The following SYTL4 variants were observed in gnomAD, a reference collection of about 807,000 sequenced individuals.
SYTL4 encodes the protein synaptotagmin-like protein 4.
In SYTL4, 16 loss-of-function variants were observed where a neutral mutation model predicts 52.7. The observed-to-expected ratio is 0.30, with a 90% CI of 0.21 to 0.46. The LOEUF (loss-of-function observed/expected upper bound fraction) is 0.46, where lower values mean the gene tolerates loss of function less well. Among genes scored for constraint, SYTL4 ranks in the 20% least tolerant of loss-of-function variants. The probability of loss-of-function intolerance (pLI) is 1.00; values close to 1 mark genes in which losing one functional copy is unlikely to be tolerated. For synonymous variants in SYTL4, 160 were observed against 186.6 expected (o/e 0.86, Z 1.16); for missense variants, 423 against 519.9 (o/e 0.81, Z 1.81).
intron 17 of SYTL4, 62 bp downstream of exon 17, chrX:100,681,165 C>T (rs925035381): frequency 3.3e-5 from 33 of 996,040 alleles, no homozygotes; most frequent in African/African-American, 9.4e-5. Flanking sequence ...TAGCCAGCAC[C>T]GGCCTTGCAC....
At chrX:100,696,564 AT>A (rs995307529) in intron 8 of SYTL4, among the ~76,000 whole-genome samples, 3 of 111,201 alleles carry the variant, frequency 2.7e-5, no homozygotes, top group Non-Finnish European at 5.7e-5. Flanking sequence ...GTCTGTTCAA[AT>A]TTTTTGTGCA....
intron 3 of SYTL4, among the ~76,000 whole-genome samples, chrX:100,704,560 C>T (rs1189129504): frequency 8.9e-6 from 1 of 112,205 alleles, no homozygotes; most frequent in African/African-American, 3.2e-5. Flanking sequence ...TGGCTAGTGA[C>T]AGCCCTCATA....
intron 2 of SYTL4, among the ~76,000 whole-genome samples, chrX:100,715,945 CAAAAAAAAAAA>C (rs769194042): frequency 1.9e-5 from 1 of 53,599 alleles, no homozygotes; most frequent in African/African-American, 5.7e-5. Context: ...CTCTCTCTCT[CAAAAAAAAAAA>C]AAAAAAAAAA....
At chrX:100,720,683 T>C (rs768381744) in intron 2 of SYTL4, among the ~76,000 whole-genome samples, 3 of 112,723 alleles carry the variant, frequency 2.7e-5, no homozygotes, top group Non-Finnish European at 5.6e-5. Context: ...TTCATGCATT[T>C]GGTTTCTTTT....
At chrX:100,681,662 G>A (rs2083378059) in intron 16 of SYTL4, among the ~76,000 whole-genome samples, 1 of 112,043 alleles carries the variant, frequency 8.9e-6, no homozygotes, top group South Asian at 3.8e-4. Context: ...AGGACTGACA[G>A]CATGACAGAG....
In SYTL4 at chrX:100,686,817, C is replaced by G. The variant is rs377570910; in HGVS notation, c.1185-36G>C. The G allele has an allele frequency of 1.4e-5, 16 of 1,115,382 alleles. No individual in the cohort carries two copies. In the South Asian group the frequency reaches 3.0e-4, roughly 21 times the overall value. The allele number at this position is 1,115,382 out of a possible 1,213,427, so 91.9% of individuals were successfully genotyped here. The stretch of plus-strand genomic sequence containing the variant: ...AAGACAGCACTGAGTAATTTGCTGG[C>G]CTTTCTCAAGCCTGCTTTTCACTTT... On this transcript the variant is annotated intron_variant, in intron 14 of 19. Coordinates refer to ENST00000372989, the MANE Select transcript of SYTL4 (RefSeq NM_001370165.1).
At chrX:100,717,002 A>C (rs775420019) in intron 2 of SYTL4, among the ~76,000 whole-genome samples, 1 of 111,724 alleles carries the variant, frequency 9.0e-6, no homozygotes, top group South Asian at 3.8e-4. Context: ...ACCTGGCCCC[A>C]AAGATTTTTC....
At chrX:100,723,533 G>A (rs1023403366) in intron 2 of SYTL4, among the ~76,000 whole-genome samples, 7 of 111,754 alleles carry the variant, frequency 6.3e-5, no homozygotes, top group Admixed American at 2.8e-4. Flanking sequence ...GCCTCTGCCC[G>A]GCCGCCACCC....
chrX:100,723,665 T>A (rs2084398537), intron 2 of SYTL4, among the ~76,000 whole-genome samples: 1 of 108,024 alleles, frequency 9.3e-6, no homozygotes, highest in African/African-American at 3.4e-5. Context: ...CCGCCCATCG[T>A]CTGAGATGTG....
At chrX:100,718,884 C>T (rs1205287056) in intron 2 of SYTL4, among the ~76,000 whole-genome samples, 1 of 108,431 alleles carries the variant, frequency 9.2e-6, no homozygotes, top group South Asian at 4.2e-4. Context: ...CCTCAACCTC[C>T]GCCTCCTGGG....
At chrX:100,689,265 C>G (rs757793905) in intron 12 of SYTL4, among the ~76,000 whole-genome samples, 19 of 106,329 alleles carry the variant, frequency 1.8e-4, no homozygotes, top group African/African-American at 5.8e-4. Flanking sequence ...GTCCCAGCTA[C>G]TCAGGAGGCT....
rs769192500 is a variant in SYTL4, at chrX:100,704,845, C to T, written c.-198G>A. On this transcript the variant is annotated 5_prime_UTR_variant, in exon 3 of 20. Transcript: ENST00000372989. ...TCTCCTTTGAAACTAGACAACACGCCTCTTTCACTTTATTTTTTCTTTTTC... is the reference window on the plus strand; with the variant it reads ...TCTCCTTTGAAACTAGACAACACGCTTCTTTCACTTTATTTTTTCTTTTTC... 1.8e-5 allele frequency: 2 copies of T among 112,138 alleles called. No homozygotes were observed. Among genetic ancestry groups the T allele is most frequent in the African/African-American group, 3.2e-5 (1 of 30,846 alleles). 9.2% of individuals were successfully genotyped at this position (112,138 alleles called of 1,213,427 possible).
intron 2 of SYTL4, among the ~76,000 whole-genome samples, chrX:100,720,527 G>A (rs1171038549): frequency 8.9e-6 from 1 of 112,023 alleles, no homozygotes; most frequent in Non-Finnish European, 1.9e-5. Flanking sequence ...GATCACAGAT[G>A]GTGGGGATTT....
At position 100,678,421 on chromosome X, in the gene SYTL4, G is replaced by A. The variant is rs747319937; in HGVS notation, c.1837C>T (p.Leu613=). ...DREPLASNDF[L]GGVRLGVGTG... ...CCAACACCCAGCCTGACCCCTCCCA[G>A]GAAGTCATTGCTGGCCAGGGGCTCC... The change falls in exon 19 of 20, where the codon CTG becomes TTG. Residue 613 remains leucine (L), a synonymous_variant. Transcript: ENST00000372989. 1 of 1,210,986 alleles carries A rather than the reference G, an allele frequency of 8.3e-7. No individual in the cohort carries two copies. Among genetic ancestry groups the A allele is most frequent in the East Asian group, 3.0e-5 (1 of 33,839 alleles).
At chrX:100,684,635 A>G (rs1436258898) in intron 16 of SYTL4, 2 of 111,284 alleles carry the variant, frequency 1.8e-5, no homozygotes, top group Non-Finnish European at 3.8e-5. Context: ...AAAAAGAAAA[A>G]AATACATATA....
chrX:100,689,849 C>T lies in SYTL4; in HGVS notation c.912+7G>A. 3.4e-6 allele frequency: 4 copies of T among 1,170,229 alleles called. No individual in the cohort carries two copies. The highest frequency in any genetic ancestry group is 4.6e-6 in the Non-Finnish European group (4 of 862,444). On this transcript the variant is annotated splice_region_variant and intron_variant, in intron 12 of 19. Coordinates refer to ENST00000372989, the MANE Select transcript of SYTL4 (RefSeq NM_001370165.1). ...ATAGTGACCAAGTAAAATATAAGGG[C>T]ACCTACCATATCCACATTGAGGCCT...
chrX:100,688,318 C>T (rs1287728485), intron 13 of SYTL4, 33 bp downstream of exon 13: 1 of 1,154,449 alleles, frequency 8.7e-7, no homozygotes, highest in East Asian at 3.0e-5. Context: ...AGTACCCCAA[C>T]ATGCCTGTAA....
At chrX:100,726,054 T>C (rs2084510083) in intron 2 of SYTL4, among the ~76,000 whole-genome samples, 1 of 109,263 alleles carries the variant, frequency 9.2e-6, no homozygotes, top group Admixed American at 1.0e-4. Flanking sequence ...ACTATTCTTC[T>C]GCCAGGGCCA....
chrX:100,682,410 A>T (rs773376129), intron 16 of SYTL4, among the ~76,000 whole-genome samples: 15 of 111,102 alleles, frequency 1.4e-4, no homozygotes, highest in South Asian at 1.2e-3. Flanking sequence ...CAGGGGAAAA[A>T]AAAAAAGAGG....
Sources: allele counts gnomAD v4.1 joint callset (sites outside exome capture counted in the v4.1 genomes callset), GRCh38; gene constraint gnomAD v4.1.1; transcripts MANE v1.5; gene names NCBI Gene and HGNC (gene_info 2026-07-23, HGNC 2026-07-21).